ANKRD30BL: variants seen among roughly 807,000 people sequenced by gnomAD.
ANKRD30BL encodes putative ankyrin repeat domain-containing protein 30B-like.
ANKRD30BL carries 20 observed loss-of-function variants against 18.4 expected under a neutral mutation model. The observed-to-expected ratio is 1.09, with a 90% CI of 0.77 to 1.58. ANKRD30BL has a LOEUF of 1.58. Ranked by LOEUF, ANKRD30BL falls within the 40% of genes most tolerant of loss-of-function variation. The probability of loss-of-function intolerance (pLI) is 0.00; values close to 1 mark genes in which losing one functional copy is unlikely to be tolerated. For synonymous variants in ANKRD30BL, 72 were observed against 100.9 expected (o/e 0.71, Z 1.72); for missense variants, 224 against 268.6 (o/e 0.83, Z 1.16).
intron 1 of ANKRD30BL, among the ~76,000 whole-genome samples, chr2:132,242,706 A>G (rs1680372172): frequency 6.6e-6 from 1 of 151,454 alleles, no homozygotes; most frequent in East Asian, 1.9e-4. Flanking sequence ...GGAAACGGGA[A>G]TAGCTTCACA....
chr2:132,211,431 T>A (rs1279470240), intron 1 of ANKRD30BL, among the ~76,000 whole-genome samples: 1 of 152,098 alleles, frequency 6.6e-6, no homozygotes, highest in African/African-American at 2.4e-5. Context: ...TCTGAGAAAC[T>A]TCTGTGTGAT....
chr2:132,176,175 C>T (rs1047172287), intron 1 of ANKRD30BL, among the ~76,000 whole-genome samples: 9 of 152,062 alleles, frequency 5.9e-5, no homozygotes, highest in Non-Finnish European at 1.0e-4. Flanking sequence ...GGGCAGATCA[C>T]TTGAGGTCAG....
chr2:132,234,797 A>G (rs571222701), intron 1 of ANKRD30BL, among the ~76,000 whole-genome samples: 23 of 152,308 alleles, frequency 1.5e-4, no homozygotes, highest in Middle Eastern at 3.4e-3. Flanking sequence ...AACTATTCCA[A>G]TCAATTGAAA....
At chr2:132,183,689 GTGTGTATATA>G (rs997832994) in intron 1 of ANKRD30BL, among the ~76,000 whole-genome samples, 21 of 152,176 alleles carry the variant, frequency 1.4e-4, no homozygotes, top group African/African-American at 5.1e-4. Context: ...ATATATGTGT[GTGTGTATATA>G]TGTGTATACG....
At chr2:132,173,560 G>C (rs1262798085) in intron 1 of ANKRD30BL, among the ~76,000 whole-genome samples, 6 of 151,968 alleles carry the variant, frequency 3.9e-5, no homozygotes, top group Non-Finnish European at 2.9e-5. Flanking sequence ...GCCTCCCAAA[G>C]TGCTGGGATT....
At chr2:132,205,778 A>G (rs907556141) in intron 1 of ANKRD30BL, among the ~76,000 whole-genome samples, 2 of 152,108 alleles carry the variant, frequency 1.3e-5, no homozygotes, top group African/African-American at 2.4e-5. Context: ...AAGCTCCCAT[A>G]AATATTCTCA....
chr2:132,164,264 T>TTTTTC (rs1257605104), upstream of ANKRD30BL, among the ~76,000 whole-genome samples: 38 of 106,090 alleles, frequency 3.6e-4, no homozygotes, highest in African/African-American at 1.7e-3. Context: ...TTTCTTTTTC[T>TTTTTC]TTTTCTTTTT....
At chr2:132,201,475 G>A (rs1200668592) in intron 1 of ANKRD30BL, among the ~76,000 whole-genome samples, 1 of 152,030 alleles carries the variant, frequency 6.6e-6, no homozygotes, top group Non-Finnish European at 1.5e-5. Flanking sequence ...TCAAAAAGTG[G>A]GCAAAGGACA....
chr2:132,179,820 T>A (rs941733828), intron 1 of ANKRD30BL, among the ~76,000 whole-genome samples: 1 of 152,072 alleles, frequency 6.6e-6, no homozygotes, highest in African/African-American at 2.4e-5. Context: ...TAAACTAATG[T>A]GCATGTTTGT....
chr2:132,183,056 T>A (rs1573822072), intron 1 of ANKRD30BL, among the ~76,000 whole-genome samples: 1 of 152,094 alleles, frequency 6.6e-6, no homozygotes, highest in East Asian at 1.9e-4. Context: ...AAGGTTCTAT[T>A]GTTTAGAAAA....
At chr2:132,177,020 T>G (rs1688377018) in intron 1 of ANKRD30BL, among the ~76,000 whole-genome samples, 2 of 152,204 alleles carry the variant, frequency 1.3e-5, no homozygotes, top group African/African-American at 4.8e-5. Context: ...CTACAGAAAA[T>G]GAGCTTAATT....
intron 1 of ANKRD30BL, among the ~76,000 whole-genome samples, chr2:132,187,023 T>C (rs1171947477): frequency 6.6e-6 from 1 of 152,098 alleles, no homozygotes; most frequent in Non-Finnish European, 1.5e-5. Context: ...GGGAATATCT[T>C]GAATTTCCCT....
At chr2:132,249,228 A>T (rs1321820089) in intron 1 of ANKRD30BL, among the ~76,000 whole-genome samples, 1 of 151,962 alleles carries the variant, frequency 6.6e-6, no homozygotes, top group Non-Finnish European at 1.5e-5. Flanking sequence ...GAATGGCTCA[A>T]CTCTGTGAGA....
chr2:132,203,388 G>T lies in ANKRD30BL; in HGVS notation n.442-46242C>A, dbSNP rs530519684. Among the ~76,000 whole-genome samples, 368 of 152,328 alleles carry T rather than the reference G, an allele frequency of 2.4e-3. 1 individual carries two copies. The highest frequency in any genetic ancestry group is 6.2e-3 in the Admixed American group (95 of 15,286). On this transcript the variant is annotated intron_variant and non_coding_transcript_variant, in intron 1 of 4. Transcript: ENST00000470729. ...TTTTAATAAATAACTAGGGAGGTAAGCTTGTTCATTTCTGAGATTCACAAC... is the reference window on the plus strand; with the variant it reads ...TTTTAATAAATAACTAGGGAGGTAATCTTGTTCATTTCTGAGATTCACAAC...
intron 1 of ANKRD30BL, among the ~76,000 whole-genome samples, chr2:132,184,051 A>G (rs1688521074): frequency 6.6e-6 from 1 of 152,222 alleles, no homozygotes; most frequent in South Asian, 2.1e-4. Flanking sequence ...TCTGAATGCT[A>G]TGAAGCACAG....
chr2:132,194,606 C>T (rs543668950), intron 1 of ANKRD30BL, among the ~76,000 whole-genome samples: 7 of 152,282 alleles, frequency 4.6e-5, no homozygotes, highest in South Asian at 4.1e-4. Context: ...CCCCAATCAG[C>T]CTTCCTTCTC....
rs560020071 is a variant in ANKRD30BL, at chr2:132,226,656, T to A, written n.441+30873A>T. ...TTTGTAGAATCTGCAAGTGGACATT[T>A]GGTGTGCTTTGAGGCCTATGGTGGA... On this transcript the variant is annotated intron_variant and non_coding_transcript_variant, in intron 1 of 4. Coordinates refer to the ANKRD30BL transcript ENST00000470729. Among the ~76,000 whole-genome samples the A allele has an allele frequency of 2.3e-4, 35 of 152,058 alleles. No homozygotes were observed. In the South Asian group the frequency reaches 6.6e-3, roughly 29 times the overall value.
rs71001175 is a variant in ANKRD30BL at position 132,167,275 on chromosome 2, T to TTTTTATTTTATTTTA, written n.442-10144_442-10130dup. Reference sequence around the variant, plus strand: ...TATAAACATTAATTACATTCATTTATTTTTATTTTATTTTATTTTATTTTA... The same window carrying TTTTTATTTTATTTTA: ...TATAAACATTAATTACATTCATTTATTTTTATTTTATTTTATTTTATTTTATTTTATTTTATTTTA... On this transcript the variant is annotated intron_variant and non_coding_transcript_variant, in intron 1 of 4. Coordinates refer to the ANKRD30BL transcript ENST00000470729. 9.0e-3 allele frequency among the ~76,000 whole-genome samples: 997 copies of TTTTTATTTTATTTTA among 111,186 alleles called. 25 individuals carry two copies. The highest frequency in any genetic ancestry group is 0.025 in the East Asian group (92 of 3,736). The allele number at this position is 111,186 out of a possible 152,430, so 72.9% of individuals were successfully genotyped here. A position where few individuals can be genotyped will look rare whatever the true frequency, so the allele number is the denominator to read the frequency against.
chr2:132,180,367 T>C (rs1258008041), intron 1 of ANKRD30BL, among the ~76,000 whole-genome samples: 1 of 152,216 alleles, frequency 6.6e-6, no homozygotes, highest in Non-Finnish European at 1.5e-5. Context: ...CTCTACCATA[T>C]ACTCTAAGAG....
Sources: allele counts gnomAD v4.1 joint callset (sites outside exome capture counted in the v4.1 genomes callset), GRCh38; gene constraint gnomAD v4.1.1; transcripts MANE v1.5; gene names NCBI Gene and HGNC (gene_info 2026-07-23, HGNC 2026-07-21).